NRXN3: variants seen among roughly 807,000 people sequenced by gnomAD.
NRXN3 encodes the protein neurexin III.
NRXN3 carries 32 observed loss-of-function variants against 137.6 expected under a neutral mutation model. The observed-to-expected ratio is 0.23, with a 90% CI of 0.18 to 0.31. The LOEUF (loss-of-function observed/expected upper bound fraction) is 0.31, where lower values mean the gene tolerates loss of function less well. Among genes scored for constraint, NRXN3 ranks in the 10% least tolerant of loss-of-function variants. The pLI is 1.00. For missense variants in NRXN3, 1,574 were observed against 2,062.5 expected (o/e 0.76, Z 4.59); for synonymous variants, 798 against 784.5 (o/e 1.02, Z -0.29).
chr14:79,777,476 T>A (rs905808337), intron 19 of NRXN3, among the ~76,000 whole-genome samples: 79 of 144,342 alleles, frequency 5.5e-4, no homozygotes, highest in African/African-American at 1.9e-3. Context: ...GGAATTTTTC[T>A]AAAAAAAAAA....
At chr14:79,036,593 GTTTTTTTTTTTTTT>G (rs57154485) in intron 15 of NRXN3, among the ~76,000 whole-genome samples, 10,104 of 101,720 alleles carry the variant, frequency 0.099, 1,482 homozygotes, top group African/African-American at 0.34. Flanking sequence ...TTCGTTTTGG[GTTTTTTTTTTTTTT>G]TTTTTTTTTT....
intron 15 of NRXN3, among the ~76,000 whole-genome samples, chr14:79,282,850 G>A (rs1478666230): frequency 2.0e-5 from 3 of 152,166 alleles, no homozygotes; most frequent in Admixed American, 6.5e-5. Context: ...TTGGGGCTTG[G>A]AGAGTGAATG....
intron 8 of NRXN3, among the ~76,000 whole-genome samples, chr14:78,782,493 C>T (rs2098773494): frequency 6.6e-6 from 1 of 152,162 alleles, no homozygotes; most frequent in Admixed American, 6.5e-5. Context: ...TTGCCGAAAG[C>T]TTTTTGCAAT....
intron 4 of NRXN3, among the ~76,000 whole-genome samples, chr14:78,369,132 G>A (rs891009419): frequency 1.3e-5 from 2 of 152,046 alleles, no homozygotes; most frequent in East Asian, 1.9e-4. Flanking sequence ...AATTGCTAAG[G>A]TTTACTCTAT....
chr14:79,010,305 T>A (rs1016174216), intron 15 of NRXN3, among the ~76,000 whole-genome samples: 2 of 152,140 alleles, frequency 1.3e-5, no homozygotes, highest in Non-Finnish European at 2.9e-5. Flanking sequence ...CTATGTTAGC[T>A]CAGGGGTGGG....
chr14:78,187,297 G>A (rs1474905040), intron 1 of NRXN3, among the ~76,000 whole-genome samples: 3 of 150,592 alleles, frequency 2.0e-5, no homozygotes, highest in Non-Finnish European at 4.4e-5. Flanking sequence ...AGCTTGCAAT[G>A]CTCTGGGTTT....
intron 1 of NRXN3, among the ~76,000 whole-genome samples, chr14:78,226,566 A>C (rs1323939199): frequency 1.3e-5 from 2 of 152,232 alleles, no homozygotes; most frequent in Admixed American, 1.3e-4. Context: ...CTAATAAGGA[A>C]AATGGGAAAA....
intron 16 of NRXN3, among the ~76,000 whole-genome samples, chr14:79,588,480 G>A (rs2097778736): frequency 1.3e-5 from 2 of 152,174 alleles, no homozygotes; most frequent in Admixed American, 1.3e-4. Flanking sequence ...GGGAAAAAAA[G>A]GCTGCTATTT....
intron 4 of NRXN3, among the ~76,000 whole-genome samples, chr14:78,613,389 AGAC>A (rs1223673709): frequency 6.6e-6 from 1 of 152,188 alleles, no homozygotes; most frequent in African/African-American, 2.4e-5. Flanking sequence ...TGTATTAAGA[AGAC>A]TGTTCAGAAA....
rs2067217248 is a variant in NRXN3, at chr14:78,242,723, CA to C, written c.-370del. ...CTGAAGGCTTCTTCCTACTCTCCTGCACCTTCTCCTCCTTGAGTCAAGGCCT... is the reference window on the plus strand; with the variant it reads ...CTGAAGGCTTCTTCCTACTCTCCTGCCCTTCTCCTCCTTGAGTCAAGGCCT... On this transcript the variant is annotated 5_prime_UTR_variant, in exon 2 of 21. Transcript: ENST00000335750. 4.7e-6 allele frequency: 1 copy of C among 214,834 alleles called. No homozygotes were observed. The allele number at this position is 214,834 out of a possible 1,614,324, so 13.3% of individuals were successfully genotyped here.
intron 15 of NRXN3, among the ~76,000 whole-genome samples, chr14:79,322,506 A>C (rs1486506189): frequency 3.9e-5 from 6 of 152,192 alleles, no homozygotes; most frequent in African/African-American, 1.4e-4. Flanking sequence ...CTTTGAGAGA[A>C]CCTATGGCAT....
In NRXN3 at chr14:78,250,668, T is replaced by C. The variant is rs1255016268; in HGVS notation, c.709+6866T>C. On this transcript the variant is annotated intron_variant, in intron 2 of 20. Coordinates refer to ENST00000335750, the MANE Select transcript of NRXN3 (RefSeq NM_001330195.2). The stretch of plus-strand genomic sequence containing the variant: ...GGGCAGGCCTTAGCATCCCACTGAA[T>C]AGATGAGACCCAGACCCTGAACGTG... Among the ~76,000 whole-genome samples, 4 of 152,232 alleles carry C rather than the reference T, an allele frequency of 2.6e-5. No homozygotes were observed. The South Asian group carries it at 8.3e-4, about 32-fold the overall frequency.
intron 20 of NRXN3, among the ~76,000 whole-genome samples, chr14:79,850,113 G>A (rs1254104285): frequency 6.6e-6 from 1 of 152,230 alleles, no homozygotes; most frequent in East Asian, 1.9e-4. Flanking sequence ...AGAAACAGAT[G>A]TGGAGGCTTA....
intron 15 of NRXN3, among the ~76,000 whole-genome samples, chr14:79,239,421 G>A (rs148306588): frequency 2.0e-5 from 3 of 152,136 alleles, no homozygotes; most frequent in African/African-American, 7.2e-5. Context: ...TTCTCAGAAG[G>A]CAATAGGGAA....
At chr14:78,366,506 A>T (rs889526200) in intron 4 of NRXN3, among the ~76,000 whole-genome samples, 1 of 152,216 alleles carries the variant, frequency 6.6e-6, no homozygotes, top group Non-Finnish European at 1.5e-5. Context: ...TTCAGACACA[A>T]TGACTTTTAG....
At chr14:78,477,091 T>A (rs1163958872) in intron 4 of NRXN3, among the ~76,000 whole-genome samples, 3 of 152,214 alleles carry the variant, frequency 2.0e-5, no homozygotes, top group Non-Finnish European at 4.4e-5. Flanking sequence ...CATCTAGGGT[T>A]CACATATCAC....
At chr14:78,713,061 AG>A (rs1312191894) in intron 7 of NRXN3, among the ~76,000 whole-genome samples, 1 of 152,196 alleles carries the variant, frequency 6.6e-6, no homozygotes, top group Non-Finnish European at 1.5e-5. Context: ...AATTTCTGAC[AG>A]GAAGTTTAGA....
chr14:79,763,730 G>A (rs879830059), intron 19 of NRXN3, among the ~76,000 whole-genome samples: 2 of 151,430 alleles, frequency 1.3e-5, no homozygotes, highest in African/African-American at 2.5e-5. Context: ...GTCTTTCTGC[G>A]ACCAGTTTTT....
intron 15 of NRXN3, among the ~76,000 whole-genome samples, chr14:79,213,925 G>T (rs1325577138): frequency 6.6e-6 from 1 of 152,156 alleles, no homozygotes; most frequent in Non-Finnish European, 1.5e-5. Context: ...TACGCTACTT[G>T]ATTCTAAGAG....
Sources: allele counts gnomAD v4.1 joint callset (sites outside exome capture counted in the v4.1 genomes callset), GRCh38; gene constraint gnomAD v4.1.1; transcripts MANE v1.5; gene names NCBI Gene and HGNC (gene_info 2026-07-23, HGNC 2026-07-21).